The following PAK3 variants were observed in gnomAD, a reference collection of about 807,000 sequenced individuals.
PAK3 encodes p21 (RAC1) activated kinase 3, also known as serine/threonine-protein kinase PAK 3.
In PAK3, 4 loss-of-function variants were observed where a neutral mutation model predicts 41.0. The ratio of observed to expected loss-of-function variants is 0.10; its 90% CI spans 0.05 to 0.22. PAK3 has a LOEUF of 0.22. Ranked by LOEUF, PAK3 falls within the 10% of genes least tolerant of loss-of-function variation. The pLI, the probability that PAK3 is intolerant of heterozygous loss-of-function variation, is 1.00. For missense variants in PAK3, 205 were observed against 409.9 expected (o/e 0.50, Z 4.32); for synonymous variants, 146 against 139.6 (o/e 1.05, Z -0.32).
Position 111,173,088 on chromosome X carries a change from G to A in PAK3, c.830+7G>A, listed in dbSNP as rs745919638. The stretch of plus-strand genomic sequence containing the variant: ...TTGAAAAAATTGGTCAAGGGTAAGT[G>A]ATTGTTATTTGAAATATAAAAAGAT... On this transcript the variant is annotated splice_region_variant and intron_variant, in intron 11 of 17. Transcript: ENST00000372007. 1.1e-6 allele frequency: 1 copy of A among 923,547 alleles called. No homozygotes were observed. The highest frequency in any genetic ancestry group is 2.0e-5 in the South Asian group (1 of 50,195). 76.1% of individuals were successfully genotyped at this position (923,547 alleles called of 1,213,427 possible).
intron 16 of PAK3, among the ~76,000 whole-genome samples, chrX:111,209,743 A>G (rs1022168642): frequency 8.9e-6 from 1 of 112,307 alleles, no homozygotes; most frequent in Admixed American, 9.5e-5. Flanking sequence ...TAAACTTTAT[A>G]AACTGTTGTA....
chrX:111,190,578 T>C (rs1416686541), intron 11 of PAK3, among the ~76,000 whole-genome samples: 2 of 111,601 alleles, frequency 1.8e-5, no homozygotes, highest in Non-Finnish European at 3.8e-5. Flanking sequence ...TTGATGATGT[T>C]AGGACAAATA....
intron 1 of PAK3, among the ~76,000 whole-genome samples, chrX:110,999,898 G>A (rs1217716661): frequency 1.8e-5 from 2 of 111,227 alleles, no homozygotes; most frequent in Non-Finnish European, 3.8e-5. Context: ...AACCAAGGGG[G>A]CGAAGGTTGC....
chrX:111,160,752 T>C lies in PAK3; in HGVS notation c.469-2163T>C, dbSNP rs747044309. Reference sequence around the variant, plus strand: ...TGTCCTTGTGATAGTTTGCTGAGAATGATGGTTTCCAGCTTCATCCACGTC... The same window carrying C: ...TGTCCTTGTGATAGTTTGCTGAGAACGATGGTTTCCAGCTTCATCCACGTC... On this transcript the variant is annotated intron_variant, in intron 8 of 17. Transcript: ENST00000372007. Among the ~76,000 whole-genome samples, 6 of 111,985 alleles carry C rather than the reference T, an allele frequency of 5.4e-5. No individual in the cohort carries two copies. In the East Asian group the frequency reaches 8.4e-4, roughly 16 times the overall value.
At chrX:111,192,313 A>C in intron 12 of PAK3, 138 bp downstream of exon 12, 1 of 533,172 alleles carries the variant, frequency 1.9e-6, no homozygotes, top group Non-Finnish European at 3.2e-6. Flanking sequence ...TGGTGCCCAA[A>C]GCCTCTGAAG....
chrX:110,970,094 TTTTAATTTTGGTTTTCACATG>T (rs1239295800), intron 1 of PAK3, among the ~76,000 whole-genome samples: 1 of 112,150 alleles, frequency 8.9e-6, no homozygotes, highest in Admixed American at 9.5e-5. Context: ...GCTCTTGTAT[TTTTAATTTTGGTTTTCACATG>T]TTCATTACTA....
At chrX:111,213,955 C>G (rs746737076) in intron 16 of PAK3, among the ~76,000 whole-genome samples, 2 of 111,669 alleles carry the variant, frequency 1.8e-5, no homozygotes, top group South Asian at 7.6e-4. Context: ...TTGTCACTGA[C>G]TTGTATGTTG....
chrX:111,080,805 C>T (rs770523417), intron 1 of PAK3, among the ~76,000 whole-genome samples: 1 of 111,851 alleles, frequency 8.9e-6, no homozygotes, highest in Non-Finnish European at 1.9e-5. Flanking sequence ...GCATTATTCA[C>T]GGTAGTCAAG....
chrX:111,150,418 G>A (rs950623441), intron 7 of PAK3, among the ~76,000 whole-genome samples: 11 of 111,739 alleles, frequency 9.8e-5, no homozygotes, highest in Admixed American at 1.9e-4. Context: ...GTATTAGTCC[G>A]TTTTCATGCT....
chrX:111,092,967 C>T (rs138931606), upstream of PAK3, among the ~76,000 whole-genome samples: 988 of 111,689 alleles, frequency 8.8e-3, 6 homozygotes, highest in Non-Finnish European at 0.016. Context: ...TTTACACTCC[C>T]GTCAATTGTA....
intron 1 of PAK3, among the ~76,000 whole-genome samples, chrX:111,015,170 G>A (rs1024481400): frequency 8.2e-5 from 9 of 110,315 alleles, no homozygotes; most frequent in Non-Finnish European, 7.6e-5. Context: ...TATAACTCGC[G>A]AGTTATACTA....
rs773277628 is a variant in PAK3 at position 111,222,696 on chromosome X, G to C, written c.*2249G>C. 4.2e-4 allele frequency: 47 copies of C among 111,664 alleles called. No homozygotes were observed. The highest frequency in any genetic ancestry group is 1.5e-3 in the African/African-American group (47 of 30,749). The allele number at this position is 111,664 out of a possible 1,213,427, so 9.2% of individuals were successfully genotyped here. ...AGTGACTGTGTCCTGCCAGTGGAGA[G>C]AGCCCAATACCTGGTTAGGAAGCCC... On this transcript the variant is annotated 3_prime_UTR_variant, in exon 18 of 18. Coordinates refer to ENST00000372007, the MANE Select transcript of PAK3 (RefSeq NM_002578.5).
chrX:111,036,762 C>T (rs1179215846), intron 1 of PAK3, among the ~76,000 whole-genome samples: 1 of 111,194 alleles, frequency 9.0e-6, no homozygotes, highest in African/African-American at 3.3e-5. Context: ...ATCATTTAGT[C>T]CCCCGATTAA....
At chrX:111,126,421 C>T (rs1056490805) in intron 5 of PAK3, among the ~76,000 whole-genome samples, 7 of 110,902 alleles carry the variant, frequency 6.3e-5, no homozygotes, top group African/African-American at 2.3e-4. Flanking sequence ...AACTGACTCT[C>T]ATGGGGAAAG....
intron 1 of PAK3, among the ~76,000 whole-genome samples, chrX:111,027,812 A>G (rs1469066734): frequency 9.1e-6 from 1 of 110,072 alleles, no homozygotes; most frequent in Non-Finnish European, 1.9e-5. Context: ...CAATCCCACT[A>G]CTAGGTATCT....
At chrX:111,210,839 A>G (rs1239501963) in intron 16 of PAK3, among the ~76,000 whole-genome samples, 1 of 111,756 alleles carries the variant, frequency 8.9e-6, no homozygotes, top group Non-Finnish European at 1.9e-5. Context: ...AAAGAAGGAA[A>G]TGGCTAATTC....
At chrX:111,070,847 A>G (rs2092737988) in intron 1 of PAK3, among the ~76,000 whole-genome samples, 2 of 112,010 alleles carry the variant, frequency 1.8e-5, no homozygotes, top group African/African-American at 6.5e-5. Context: ...TGTCTTATTC[A>G]CTGCTTTGAG....
intron 1 of PAK3, among the ~76,000 whole-genome samples, chrX:111,005,663 G>A (rs976022900): frequency 1.8e-5 from 2 of 111,400 alleles, no homozygotes; most frequent in Non-Finnish European, 3.8e-5. Context: ...TGGCCCTTAT[G>A]GTAAGTGATT....
At chrX:110,963,505 TA>T (rs2091020744) in intron 1 of PAK3, among the ~76,000 whole-genome samples, 1 of 112,371 alleles carries the variant, frequency 8.9e-6, no homozygotes, top group South Asian at 3.7e-4. Flanking sequence ...GCCCATGCTA[TA>T]AAATTGCCTC....
Sources: gnomAD v4.1 joint callset for allele counts (sites outside exome capture counted in the v4.1 genomes callset) on GRCh38, gnomAD v4.1.1 for gene constraint, MANE v1.5 for transcripts, NCBI Gene and HGNC (gene_info 2026-07-23, HGNC 2026-07-21) for gene names.